Variants in CDH8 observed in about 807,000 individuals in gnomAD.
The protein encoded by CDH8 is cadherin 8, also known as cadherin-8.
A neutral mutation model predicts 68.1 loss-of-function variants in CDH8; 17 were observed. The ratio of observed to expected loss-of-function variants is 0.25; its 90% confidence interval spans 0.17 to 0.37. CDH8 has a LOEUF of 0.37. Ranked by LOEUF, CDH8 falls within the 10% of genes least tolerant of loss-of-function variation. The pLI is 1.00. For synonymous variants in CDH8, 372 were observed against 365.1 expected, an observed-to-expected ratio of 1.02 and a Z score of -0.21; for missense variants, 763 against 999.3, an observed-to-expected ratio of 0.76 and a Z score of 3.19.
chr16:61,678,168 C>T (rs1963948910), intron 10 of CDH8, among the ~76,000 whole-genome samples: 1 of 152,034 alleles, frequency 6.6e-6, no homozygotes, highest in African/African-American at 2.4e-5. Flanking sequence ...AGTTGTCCCA[C>T]CTTTCTGGCC....
intron 4 of CDH8, among the ~76,000 whole-genome samples, chr16:61,852,897 T>TCCTTCCATCCTTCCTTC (rs149266274): frequency 8.3e-6 from 1 of 121,208 alleles, no homozygotes; most frequent in African/African-American, 3.6e-5. Flanking sequence ...TTCCTTCCAT[T>TCCTTCCATCCTTCCTTC]CTTCCTTCCT....
chr16:61,895,996 G>GC (rs1963863276), intron 3 of CDH8, among the ~76,000 whole-genome samples: 1 of 141,538 alleles, frequency 7.1e-6, no homozygotes. Context: ...CTAAGTCAAA[G>GC]TAAAAAAAAA....
intron 4 of CDH8, among the ~76,000 whole-genome samples, chr16:61,826,321 T>C (rs956561793): frequency 6.6e-6 from 1 of 151,938 alleles, no homozygotes; most frequent in African/African-American, 2.4e-5. Flanking sequence ...ATTGCAGTTA[T>C]TTCATATTTT....
chr16:61,801,737 C>T lies in CDH8; in HGVS notation c.1278-12255G>A, dbSNP rs150587663. ...CCTGGAAAATCGGGTCACTCCCACC[C>T]GAATATTGCCCTTTTCAGACCGGCT... On this transcript the variant is annotated intron_variant, in intron 7 of 11. Coordinates refer to ENST00000577390, the MANE Select transcript of CDH8 (RefSeq NM_001796.5). Among the ~76,000 whole-genome samples the T allele has an allele frequency of 0.022, 3,386 of 152,292 alleles. 254 individuals carry two copies. The East Asian group carries it at 0.24, about 11-fold the overall frequency.
At chr16:62,013,151 A>G (rs1901855392) in intron 2 of CDH8, among the ~76,000 whole-genome samples, 1 of 79,140 alleles carries the variant, frequency 1.3e-5, no homozygotes, top group African/African-American at 4.5e-5. Flanking sequence ...GCTACTGGGG[A>G]GGCTGAGGCA....
rs1962299903 is a variant in CDH8 at position 61,825,098 on chromosome 16, C to T, written c.749G>A (p.Gly250Asp). 1.1e-5 allele frequency: 17 copies of T among 1,611,744 alleles called. No homozygotes were observed. The highest frequency in any genetic ancestry group is 1.4e-5 in the Non-Finnish European group (17 of 1,178,448). ...YLVVIQAKDM[G>D]GHSGGLSGTT... Reference sequence around the variant, plus strand: ...CCCAGACAGGCCACCAGAGTGTCCACCCATATCTTTGGCTTGGATAACAAC... The same window carrying T: ...CCCAGACAGGCCACCAGAGTGTCCATCCATATCTTTGGCTTGGATAACAAC... Residue 250 changes from glycine (G) to aspartate (D), a missense_variant, in exon 5 of 12, where the codon GGT (glycine) becomes GAT (aspartate). Physicochemically the swap from Gly to Asp is moderately conservative, Grantham distance 94. Transcript: ENST00000577390.
intron 10 of CDH8, among the ~76,000 whole-genome samples, chr16:61,695,466 C>T (rs1012607732): frequency 1.3e-5 from 2 of 152,148 alleles, no homozygotes; most frequent in Admixed American, 6.5e-5. Flanking sequence ...TGGGTCAATT[C>T]GTTTAGTAAT....
intron 10 of CDH8, chr16:61,692,044 C>A (rs1484581458): frequency 6.6e-6 from 1 of 152,026 alleles, no homozygotes; most frequent in African/African-American, 2.4e-5. Flanking sequence ...ATTTATCATC[C>A]AAATACTTTG....
intron 3 of CDH8, among the ~76,000 whole-genome samples, chr16:61,895,828 G>A (rs138143440): frequency 1.4e-3 from 210 of 152,174 alleles, no homozygotes; most frequent in African/African-American, 4.9e-3. Flanking sequence ...GAAACTAAAG[G>A]CCAAGTAGGT....
chr16:61,918,293 AGAGGTGATCAG>A (rs1193460383), intron 2 of CDH8: 1 of 153,822 alleles, frequency 6.5e-6, no homozygotes, highest in East Asian at 1.9e-4. Context: ...TGTAGCCTGG[AGAGGTGATCAG>A]GGAGGAGCCA....
chr16:62,005,006 A>G (rs1014589935), intron 2 of CDH8, among the ~76,000 whole-genome samples: 2 of 152,198 alleles, frequency 1.3e-5, no homozygotes, highest in Non-Finnish European at 2.9e-5. Context: ...CCAAAGTAAG[A>G]ACGCTTTCTT....
intron 7 of CDH8, among the ~76,000 whole-genome samples, chr16:61,807,324 G>T (rs1428357703): frequency 2.5e-5 from 3 of 118,256 alleles, no homozygotes; most frequent in East Asian, 3.0e-4. Flanking sequence ...GACTGTGGTG[G>T]GGTGGGGGGA....
intron 8 of CDH8, among the ~76,000 whole-genome samples, chr16:61,730,391 T>C (rs1215785305): frequency 6.6e-6 from 1 of 151,530 alleles, no homozygotes; most frequent in Non-Finnish European, 1.5e-5. Flanking sequence ...TCATGAATGA[T>C]ATATAATGTT....
intron 4 of CDH8, among the ~76,000 whole-genome samples, chr16:61,845,513 A>AG (rs1962787975): frequency 6.6e-6 from 1 of 151,632 alleles, no homozygotes; most frequent in South Asian, 2.1e-4. Flanking sequence ...AAAAAAAAAA[A>AG]AAAAAAAAAC....
chr16:61,671,066 C>T (rs1259670243), intron 10 of CDH8, among the ~76,000 whole-genome samples: 1 of 152,038 alleles, frequency 6.6e-6, no homozygotes, highest in Non-Finnish European at 1.5e-5. Flanking sequence ...AACCCCATTA[C>T]CACTTGGGTC....
At chr16:61,788,293 C>T (rs966064818) in intron 8 of CDH8, among the ~76,000 whole-genome samples, 1 of 152,098 alleles carries the variant, frequency 6.6e-6, no homozygotes, top group East Asian at 1.9e-4. Context: ...CCTGTTTTCA[C>T]ATTAGCTGCC....
intron 2 of CDH8, among the ~76,000 whole-genome samples, chr16:61,975,206 A>G (rs1694749898): frequency 6.6e-6 from 1 of 152,128 alleles, no homozygotes; most frequent in Non-Finnish European, 1.5e-5. Context: ...GGGGTTAGGA[A>G]GAAAGTGCCA....
At chr16:61,983,879 C>CTTTATTTTATTTTATTTTAT (rs199945282) in intron 2 of CDH8, among the ~76,000 whole-genome samples, 35 of 140,472 alleles carry the variant, frequency 2.5e-4, no homozygotes, top group African/African-American at 8.6e-4. Context: ...GGTGTTTCCT[C>CTTTATTTTATTTTATTTTAT]TTTATTTTAT....
chr16:61,678,594 G>T (rs886780417), intron 10 of CDH8, among the ~76,000 whole-genome samples: 2 of 151,824 alleles, frequency 1.3e-5, no homozygotes, highest in African/African-American at 4.8e-5. Flanking sequence ...TTGTTACATA[G>T]GTATACACAT....
Sources: gnomAD v4.1 joint callset for allele counts (sites outside exome capture counted in the v4.1 genomes callset) on GRCh38, gnomAD v4.1.1 for gene constraint, MANE v1.5 for transcripts, NCBI Gene and HGNC (gene_info 2026-07-23, HGNC 2026-07-21) for gene names.